CSMD1: variants seen among roughly 807,000 people sequenced by gnomAD.
The protein encoded by CSMD1 is CUB and Sushi multiple domains 1.
Under a neutral mutation model 417.5 loss-of-function variants are expected in CSMD1, and 213 were observed. The observed-to-expected ratio is 0.51, with a 90% CI of 0.46 to 0.57. CSMD1 has a LOEUF of 0.57. Ranked by LOEUF, CSMD1 falls within the 20% of genes least tolerant of loss-of-function variation. The probability of loss-of-function intolerance (pLI) is 0.00; values close to 1 mark genes in which losing one functional copy is unlikely to be tolerated. For missense variants in CSMD1, 6,923 were observed against 4,529.7 expected (o/e 1.53, Z -15.17); for synonymous variants, 2,862 against 1,736.8 (o/e 1.65, Z -16.11).
chr8:4,478,611 C>T (rs567987516), intron 2 of CSMD1, among the ~76,000 whole-genome samples: 2 of 152,192 alleles, frequency 1.3e-5, no homozygotes, highest in African/African-American at 4.8e-5. Flanking sequence ...GTATTATTGG[C>T]AGGGCGTTAT....
At chr8:3,710,872 G>A (rs145099677) in intron 6 of CSMD1, among the ~76,000 whole-genome samples, 72 of 152,180 alleles carry the variant, frequency 4.7e-4, no homozygotes, top group African/African-American at 1.6e-3. Context: ...ACCTTTCCAC[G>A]TGGGCTACTG....
intron 5 of CSMD1, among the ~76,000 whole-genome samples, chr8:3,765,839 C>T (rs553325380): frequency 8.6e-4 from 131 of 152,232 alleles, no homozygotes; most frequent in Non-Finnish European, 1.0e-3. Flanking sequence ...CACACCTTCA[C>T]CATTGAGGAA....
intron 3 of CSMD1, among the ~76,000 whole-genome samples, chr8:4,255,988 G>A (rs539483883): frequency 6.6e-6 from 1 of 152,178 alleles, no homozygotes; most frequent in Non-Finnish European, 1.5e-5. Context: ...ACGACTACGT[G>A]CAGGGTAGAG....
intron 1 of CSMD1, among the ~76,000 whole-genome samples, chr8:4,953,510 A>T (rs1808885600): frequency 6.6e-6 from 1 of 152,146 alleles, no homozygotes; most frequent in Non-Finnish European, 1.5e-5. Context: ...CCACGGTGGC[A>T]AGTTATGTAA....
At chr8:4,059,304 G>C (rs1266266099) in intron 3 of CSMD1, among the ~76,000 whole-genome samples, 2 of 134,342 alleles carry the variant, frequency 1.5e-5, no homozygotes, top group African/African-American at 5.6e-5. Flanking sequence ...TGTGTAGAGT[G>C]AAATTTATAG....
intron 7 of CSMD1, among the ~76,000 whole-genome samples, chr8:3,669,317 G>C (rs1359916688): frequency 6.6e-6 from 1 of 152,128 alleles, no homozygotes; most frequent in Admixed American, 6.5e-5. Context: ...GTTTGTGTGA[G>C]CAATTATTTC....
chr8:3,328,762 C>G (rs1806699991), intron 23 of CSMD1, among the ~76,000 whole-genome samples: 2 of 152,192 alleles, frequency 1.3e-5, no homozygotes. Context: ...TGGCTTTTGT[C>G]ATCCAATTTA....
intron 26 of CSMD1, among the ~76,000 whole-genome samples, chr8:3,275,488 T>G (rs1404915433): frequency 2.0e-5 from 3 of 152,206 alleles, no homozygotes; most frequent in Admixed American, 6.5e-5. Context: ...CTTGCTAGAT[T>G]GGGGAAGTTC....
chr8:4,093,290 C>G (rs1217632494), intron 3 of CSMD1, among the ~76,000 whole-genome samples: 1 of 152,020 alleles, frequency 6.6e-6, no homozygotes, highest in Non-Finnish European at 1.5e-5. Context: ...ATAATTTATC[C>G]TATACAATTT....
At chr8:4,463,620 A>G (rs956207062) in intron 2 of CSMD1, among the ~76,000 whole-genome samples, 4 of 152,234 alleles carry the variant, frequency 2.6e-5, no homozygotes, top group Non-Finnish European at 5.9e-5. Context: ...ACAAACCTTG[A>G]AAACCTACTA....
chr8:4,291,088 T>C lies in CSMD1; in HGVS notation c.415+128865A>G, dbSNP rs555011001. ...TAATGGAATTTCCTGTTTTATTTTGTGTAATACAAACACAACTTCTAAATG... is the reference window on the plus strand; with the variant it reads ...TAATGGAATTTCCTGTTTTATTTTGCGTAATACAAACACAACTTCTAAATG... On this transcript the variant is annotated intron_variant, in intron 3 of 69. Coordinates refer to ENST00000635120, the MANE Select transcript of CSMD1 (RefSeq NM_033225.6). Among the ~76,000 whole-genome samples, 13 of 152,312 alleles carry C rather than the reference T, an allele frequency of 8.5e-5. No homozygotes were observed. In the East Asian group the frequency reaches 2.3e-3, roughly 27 times the overall value.
At chr8:4,349,392 G>T (rs978404292) in intron 3 of CSMD1, among the ~76,000 whole-genome samples, 1 of 152,110 alleles carries the variant, frequency 6.6e-6, no homozygotes, top group African/African-American at 2.4e-5. Flanking sequence ...TTTGTGGTAG[G>T]CAGAGGAAAT....
At chr8:3,571,563 C>G (rs1353321838) in intron 10 of CSMD1, among the ~76,000 whole-genome samples, 5 of 152,104 alleles carry the variant, frequency 3.3e-5, no homozygotes, top group Non-Finnish European at 7.3e-5. Context: ...ATCTCTCTCT[C>G]TCCTGTTTCC....
chr8:4,586,710 T>C (rs901476944), intron 2 of CSMD1, among the ~76,000 whole-genome samples: 2 of 152,180 alleles, frequency 1.3e-5, no homozygotes, highest in African/African-American at 4.8e-5. Flanking sequence ...CCATATTCCT[T>C]AAAGCATCAT....
chr8:4,865,906 C>A lies in CSMD1; in HGVS notation c.85+128426G>T, dbSNP rs963900594. Among the ~76,000 whole-genome samples, 29 of 151,814 alleles carry A rather than the reference C, an allele frequency of 1.9e-4. 1 individual carries two copies. Among genetic ancestry groups the A allele is most frequent in the African/African-American group, 6.5e-4 (27 of 41,320 alleles). On this transcript the variant is annotated intron_variant, in intron 1 of 69. Coordinates refer to ENST00000635120, the MANE Select transcript of CSMD1 (RefSeq NM_033225.6). The stretch of plus-strand genomic sequence containing the variant: ...TTAATCATAGGTTTGAAAGAAAAAT[C>A]ACTGAGGAGCTTTCATCTTCCTGTG...
chr8:3,536,779 G>C (rs919765070), intron 10 of CSMD1, among the ~76,000 whole-genome samples: 1 of 152,170 alleles, frequency 6.6e-6, no homozygotes, highest in Non-Finnish European at 1.5e-5. Flanking sequence ...AAGGGACTAA[G>C]TCATCTCTTC....
At chr8:3,225,578 A>C (rs1396941264) in intron 27 of CSMD1, among the ~76,000 whole-genome samples, 1 of 152,188 alleles carries the variant, frequency 6.6e-6, no homozygotes, top group African/African-American at 2.4e-5. Flanking sequence ...ATTCTACTGC[A>C]CACAGGTTTT....
chr8:4,782,459 A>G (rs2117195269), intron 1 of CSMD1, among the ~76,000 whole-genome samples: 1 of 152,318 alleles, frequency 6.6e-6, no homozygotes, highest in South Asian at 2.1e-4. Context: ...GAATTTGAAC[A>G]CTTTAGATTT....
chr8:3,173,386 T>C (rs1482039101), intron 37 of CSMD1, among the ~76,000 whole-genome samples: 3 of 152,152 alleles, frequency 2.0e-5, no homozygotes, highest in African/African-American at 7.2e-5. Flanking sequence ...TTGGTGCACT[T>C]AGAACAGTAG....
Sources: gnomAD v4.1 joint callset for allele counts (sites outside exome capture counted in the v4.1 genomes callset) on GRCh38, gnomAD v4.1.1 for gene constraint, MANE v1.5 for transcripts, NCBI Gene and HGNC (gene_info 2026-07-23, HGNC 2026-07-21) for gene names.